Variants in SWT1 observed in about 807,000 individuals in gnomAD.
SWT1 encodes SWT1 RNA endoribonuclease homolog.
SWT1 carries 33 observed loss-of-function variants against 107.3 expected under a neutral mutation model. The ratio of observed to expected loss-of-function variants is 0.31; its 90% CI spans 0.23 to 0.41. The LOEUF (loss-of-function observed/expected upper bound fraction) is 0.41. Among genes scored for constraint, SWT1 ranks in the 10% least tolerant of loss-of-function variants. The pLI, the probability that SWT1 is intolerant of heterozygous loss-of-function variation, is 1.00. For synonymous variants in SWT1, 345 were observed against 348.3 expected (o/e 0.99, Z 0.11); for missense variants, 898 against 1,028.9 (o/e 0.87, Z 1.74).
chr1:185,168,320 C>CCTAAATGATAGA lies in SWT1; in HGVS notation c.166-18_166-17insAAATGATAGACT, dbSNP rs781272052. ...ATGTACCAGTGCACAATTTATGTGT[C>CCTAAATGATAGA]CTTTTTTTATTTATTTCAGAAATCA... On this transcript the variant is annotated intron_variant, in intron 3 of 18. Transcript: ENST00000367500. 1 of 1,227,384 alleles carries CCTAAATGATAGA rather than the reference C, an allele frequency of 8.1e-7. No individual in the cohort carries two copies. Among genetic ancestry groups the CCTAAATGATAGA allele is most frequent in the Non-Finnish European group, 1.1e-6 (1 of 926,324 alleles). 76.0% of individuals were successfully genotyped at this position (1,227,384 alleles called of 1,614,324 possible). A position where few individuals can be genotyped will look rare whatever the true frequency, so the allele number is the denominator to read the frequency against.
chr1:185,240,875 A>AT (rs1661210776), intron 16 of SWT1, among the ~76,000 whole-genome samples: 1 of 152,056 alleles, frequency 6.6e-6, no homozygotes, highest in Non-Finnish European at 1.5e-5. Context: ...CTCCTACCCC[A>AT]TTTTAACGTA....
chr1:185,274,297 G>T (rs934207320), intron 17 of SWT1, among the ~76,000 whole-genome samples: 2 of 147,352 alleles, frequency 1.4e-5, no homozygotes, highest in African/African-American at 4.9e-5. Flanking sequence ...ATAGATGTCA[G>T]ATATATATAT....
chr1:185,274,924 T>G (rs920014414), intron 17 of SWT1, among the ~76,000 whole-genome samples: 1 of 152,226 alleles, frequency 6.6e-6, no homozygotes, highest in Non-Finnish European at 1.5e-5. Flanking sequence ...GCTTCAGTTT[T>G]TCTTTATTAG....
chr1:185,160,384 G>T (rs760789790), intron 1 of SWT1, among the ~76,000 whole-genome samples: 7 of 152,032 alleles, frequency 4.6e-5, no homozygotes, highest in Non-Finnish European at 8.8e-5. Flanking sequence ...AATAATGAGA[G>T]AATCTTGTCA....
At chr1:185,206,276 CCA>C (rs1658330058) in intron 12 of SWT1, among the ~76,000 whole-genome samples, 2 of 152,026 alleles carry the variant, frequency 1.3e-5, no homozygotes, top group African/African-American at 4.8e-5. Context: ...TGATTTTCAC[CCA>C]GTTACATGAA....
At chr1:185,226,088 C>T (rs1047282894) in intron 15 of SWT1, among the ~76,000 whole-genome samples, 1 of 151,960 alleles carries the variant, frequency 6.6e-6, no homozygotes, top group Non-Finnish European at 1.5e-5. Context: ...TACCATATAT[C>T]CCTGACAGGG....
At chr1:185,212,304 A>T (rs551720112) in intron 13 of SWT1, among the ~76,000 whole-genome samples, 2 of 152,160 alleles carry the variant, frequency 1.3e-5, no homozygotes, top group Admixed American at 1.3e-4. Context: ...AAGTCCGTAA[A>T]CTATGTGTGA....
chr1:185,182,695 A>G (rs1656127107), intron 7 of SWT1, among the ~76,000 whole-genome samples: 1 of 150,680 alleles, frequency 6.6e-6, no homozygotes, highest in Non-Finnish European at 1.5e-5. Context: ...AAAAAAAAGA[A>G]AGAATGCAGA....
At position 185,198,824 on chromosome 1, in the gene SWT1, A is replaced by G. The variant is rs1352476443; in HGVS notation, c.1524-3830A>G. The stretch of plus-strand genomic sequence containing the variant: ...TCCTCCATCCCTTTATTTTGAGCCT[A>G]TGTGTGTCTTTTCACATGAGATGGG... On this transcript the variant is annotated intron_variant, in intron 10 of 18. Transcript: ENST00000367500. Among the ~76,000 whole-genome samples the G allele has an allele frequency of 7.6e-5, 11 of 144,202 alleles. No homozygotes were observed. In the East Asian group the frequency reaches 8.1e-4, roughly 11 times the overall value. The allele number at this position is 144,202 out of a possible 152,430, so 94.6% of individuals were successfully genotyped here.
intron 5 of SWT1, among the ~76,000 whole-genome samples, chr1:185,176,110 C>T (rs938053345): frequency 6.6e-6 from 1 of 151,674 alleles, no homozygotes; most frequent in South Asian, 2.1e-4. Context: ...GGCAACATAC[C>T]GAGACGGGTC....
intron 16 of SWT1, chr1:185,258,150 A>G (rs920769084): frequency 6.6e-6 from 1 of 151,716 alleles, no homozygotes; most frequent in African/African-American, 2.4e-5. Flanking sequence ...TTTTATTTCT[A>G]TTTCATTATT....
intron 13 of SWT1, among the ~76,000 whole-genome samples, chr1:185,212,138 A>G (rs1658867623): frequency 2.0e-5 from 3 of 152,186 alleles, no homozygotes; most frequent in Admixed American, 2.0e-4. Flanking sequence ...GCACACCAAC[A>G]TGGCACATAT....
intron 16 of SWT1, among the ~76,000 whole-genome samples, chr1:185,248,207 A>G (rs2102633696): frequency 6.6e-6 from 1 of 152,354 alleles, no homozygotes; most frequent in African/African-American, 2.4e-5. Flanking sequence ...TGTTTCCACC[A>G]ATTAAACTGT....
At chr1:185,229,468 T>G (rs1433351813) in intron 15 of SWT1, among the ~76,000 whole-genome samples, 1 of 152,056 alleles carries the variant, frequency 6.6e-6, no homozygotes, top group Non-Finnish European at 1.5e-5. Flanking sequence ...TTTAGTGTCC[T>G]CATCCTTTTA....
chr1:185,253,679 G>A (rs1314809745), intron 16 of SWT1, among the ~76,000 whole-genome samples: 1 of 152,084 alleles, frequency 6.6e-6, no homozygotes, highest in African/African-American at 2.4e-5. Flanking sequence ...GAGATTTTCG[G>A]CTGAGACGAT....
intron 16 of SWT1, among the ~76,000 whole-genome samples, chr1:185,243,196 C>T (rs1661366828): frequency 6.6e-6 from 1 of 152,084 alleles, no homozygotes; most frequent in Admixed American, 6.6e-5. Flanking sequence ...GCAACTTCCA[C>T]CTCCTGGGCT....
chr1:185,183,566 A>C (rs901561261), intron 7 of SWT1, among the ~76,000 whole-genome samples: 4 of 152,166 alleles, frequency 2.6e-5, no homozygotes, highest in African/African-American at 9.7e-5. Flanking sequence ...TACAGGCGTG[A>C]GCCACCAAGC....
rs188868646 is a variant in SWT1 at position 185,223,815 on chromosome 1, A to G, written c.2309+1779A>G. 3.1e-3 allele frequency among the ~76,000 whole-genome samples: 475 copies of G among 152,110 alleles called. 6 individuals carry two copies. Among genetic ancestry groups the G allele is most frequent in the Admixed American group, 0.021 (321 of 15,270 alleles). On this transcript the variant is annotated intron_variant, in intron 15 of 18. Transcript: ENST00000367500. ...CCCTCCTCTCACCTTCCACCCTCCA[A>G]TAGGCCCCAGTGTTCATTGCTCCCC...
At chr1:185,226,992 A>G (rs1460646859) in intron 15 of SWT1, 4 of 874,536 alleles carry the variant, frequency 4.6e-6, no homozygotes, top group South Asian at 1.4e-5. Context: ...CATCTCCTCC[A>G]TCATGTCTGG....
Sources: allele counts gnomAD v4.1 joint callset (sites outside exome capture counted in the v4.1 genomes callset), GRCh38; gene constraint gnomAD v4.1.1; transcripts MANE v1.5; gene names NCBI Gene and HGNC (gene_info 2026-07-23, HGNC 2026-07-21).